Variants in LUZP2 observed in about 807,000 individuals in gnomAD.
LUZP2 encodes the protein leucine zipper protein 2.
LUZP2 carries 52 observed loss-of-function variants against 51.6 expected under a neutral mutation model. The ratio of observed to expected loss-of-function variants is 1.01; its 90% CI spans 0.81 to 1.27. The LOEUF (loss-of-function observed/expected upper bound fraction) is 1.27, where lower values mean the gene tolerates loss of function less well. Among genes scored for constraint, LUZP2 ranks in the 50% most tolerant of loss-of-function variants. The probability of loss-of-function intolerance (pLI) is 0.00; values close to 1 mark genes in which losing one functional copy is unlikely to be tolerated. For synonymous variants in LUZP2, 154 were observed against 137.3 expected (o/e 1.12, Z -0.85); for missense variants, 436 against 395.4 (o/e 1.10, Z -0.87).
At chr11:24,947,945 T>C (rs1854946096) in intron 7 of LUZP2, among the ~76,000 whole-genome samples, 1 of 151,902 alleles carries the variant, frequency 6.6e-6, no homozygotes, top group African/African-American at 2.4e-5. Context: ...ATCAATTCTT[T>C]GCGTTTGTCT....
chr11:24,675,687 A>T (rs1856519083), intron 1 of LUZP2, among the ~76,000 whole-genome samples: 1 of 152,042 alleles, frequency 6.6e-6, no homozygotes, highest in South Asian at 2.1e-4. Flanking sequence ...CAATTTCACT[A>T]TTTGAATGAT....
intron 1 of LUZP2, among the ~76,000 whole-genome samples, chr11:24,712,115 C>T (rs1565092665): frequency 6.6e-6 from 1 of 152,056 alleles, no homozygotes; most frequent in Non-Finnish European, 1.5e-5. Flanking sequence ...GGAAAGAGAC[C>T]TTGTTATAAA....
chr11:24,682,772 A>G (rs1856785563), intron 1 of LUZP2, among the ~76,000 whole-genome samples: 1 of 151,870 alleles, frequency 6.6e-6, no homozygotes, highest in African/African-American at 2.4e-5. Context: ...TTGGGAGGCC[A>G]AGGCAGGTGG....
At chr11:24,540,511 C>T (rs1019431598) in intron 1 of LUZP2, among the ~76,000 whole-genome samples, 10 of 152,058 alleles carry the variant, frequency 6.6e-5, no homozygotes, top group Admixed American at 6.6e-4. Context: ...CAGAAAGTGC[C>T]CTCTCACCTG....
At chr11:24,681,027 T>C (rs1856718295) in intron 1 of LUZP2, among the ~76,000 whole-genome samples, 1 of 150,754 alleles carries the variant, frequency 6.6e-6, no homozygotes, top group Admixed American at 6.6e-5. Flanking sequence ...CAGGCCGGAC[T>C]GCGGACTGCA....
At chr11:24,602,270 A>ATATATGTGTATATATG (rs1565021110) in intron 1 of LUZP2, among the ~76,000 whole-genome samples, 1 of 136,554 alleles carries the variant, frequency 7.3e-6, no homozygotes, top group Non-Finnish European at 1.5e-5. Flanking sequence ...ATATATGTAC[A>ATATATGTGTATATATG]TACATATATA....
intron 5 of LUZP2, among the ~76,000 whole-genome samples, chr11:24,800,094 C>T (rs1182299547): frequency 2.0e-5 from 3 of 152,104 alleles, no homozygotes; most frequent in Non-Finnish European, 4.4e-5. Context: ...TCTTCCTCCC[C>T]ATAATTTGCT....
chr11:24,914,600 C>T (rs1853740298), intron 7 of LUZP2, 62 bp downstream of exon 7: 1 of 1,090,484 alleles, frequency 9.2e-7, no homozygotes, highest in Non-Finnish European at 1.3e-6. Context: ...ATATCAAAAA[C>T]ATTATTTAGG....
intron 9 of LUZP2, among the ~76,000 whole-genome samples, chr11:25,024,699 T>C (rs961235525): frequency 2.0e-5 from 3 of 151,990 alleles, no homozygotes; most frequent in Non-Finnish European, 4.4e-5. Flanking sequence ...AGAATCAATA[T>C]TGCGAAAATG....
intron 1 of LUZP2, among the ~76,000 whole-genome samples, chr11:24,509,861 A>G (rs928617640): frequency 1.3e-5 from 2 of 152,124 alleles, no homozygotes; most frequent in Non-Finnish European, 2.9e-5. Flanking sequence ...TGCAAATTTA[A>G]TAATGTATAC....
At chr11:25,014,555 G>T (rs1857086462) in intron 9 of LUZP2, among the ~76,000 whole-genome samples, 1 of 152,176 alleles carries the variant, frequency 6.6e-6, no homozygotes, top group Admixed American at 6.5e-5. Flanking sequence ...CTTCTTTTGA[G>T]TAGTGTCTGT....
intron 5 of LUZP2, among the ~76,000 whole-genome samples, chr11:24,858,835 C>A (rs1203606664): frequency 1.3e-5 from 2 of 152,164 alleles, no homozygotes; most frequent in East Asian, 3.9e-4. Context: ...AATATAGGCT[C>A]TGCCAAAATC....
rs182780773 is a variant in LUZP2 at position 24,902,748 on chromosome 11, C to T, written c.397-3243C>T. The stretch of plus-strand genomic sequence containing the variant: ...ATATTAATTATCATCTATGTTTCCT[C>T]AGAAAAAATATAAAATAATATCATT... On this transcript the variant is annotated intron_variant, in intron 5 of 11. Transcript: ENST00000336930. Among the ~76,000 whole-genome samples the T allele has an allele frequency of 2.6e-5, 4 of 152,108 alleles. No individual in the cohort carries two copies. The East Asian group carries it at 7.7e-4, about 29-fold the overall frequency.
chr11:24,512,967 A>C (rs374083301), intron 1 of LUZP2, among the ~76,000 whole-genome samples: 7 of 152,286 alleles, frequency 4.6e-5, no homozygotes, highest in African/African-American at 1.7e-4. Flanking sequence ...CACGTTGCCC[A>C]GGCTGGTCTT....
intron 7 of LUZP2, among the ~76,000 whole-genome samples, chr11:24,955,643 G>A (rs12292990): frequency 0.42 from 64,274 of 151,732 alleles, 14,515 homozygotes; most frequent in Non-Finnish European, 0.5. Context: ...TTCACCTCTC[G>A]TTGGCTTGTT....
At chr11:24,672,963 A>G (rs1040537732) in intron 1 of LUZP2, among the ~76,000 whole-genome samples, 4 of 152,172 alleles carry the variant, frequency 2.6e-5, no homozygotes, top group African/African-American at 4.8e-5. Context: ...TTAGATACTC[A>G]TAAGAGCCTG....
At chr11:24,888,805 T>C (rs1262662821) in intron 5 of LUZP2, among the ~76,000 whole-genome samples, 1 of 152,102 alleles carries the variant, frequency 6.6e-6, no homozygotes, top group African/African-American at 2.4e-5. Flanking sequence ...GTTGTTCTCA[T>C]GATGGTAAGT....
chr11:24,570,448 A>G (rs188351481), intron 1 of LUZP2, among the ~76,000 whole-genome samples: 1 of 152,174 alleles, frequency 6.6e-6, no homozygotes, highest in African/African-American at 2.4e-5. Flanking sequence ...ATTTCCTGTA[A>G]CAAAAGTAGC....
intron 5 of LUZP2, among the ~76,000 whole-genome samples, chr11:24,824,792 T>G (rs1032153935): frequency 6.6e-6 from 1 of 152,152 alleles, no homozygotes; most frequent in Admixed American, 6.6e-5. Flanking sequence ...TTCAAAAATC[T>G]CATTTTGTGT....
Sources: gnomAD v4.1 joint callset for allele counts (sites outside exome capture counted in the v4.1 genomes callset) on GRCh38, gnomAD v4.1.1 for gene constraint, MANE v1.5 for transcripts, NCBI Gene and HGNC (gene_info 2026-07-23, HGNC 2026-07-21) for gene names.